DENND4A: variants seen among roughly 807,000 people sequenced by gnomAD.
The protein encoded by DENND4A is DENN domain containing 4A.
Under a neutral mutation model 199.3 loss-of-function variants are expected in DENND4A, and 70 were observed. The observed-to-expected ratio is 0.35, with a 90% CI of 0.29 to 0.43. The LOEUF (loss-of-function observed/expected upper bound fraction) is 0.43, where lower values mean the gene tolerates loss of function less well. Ranked by LOEUF, DENND4A falls within the 20% of genes least tolerant of loss-of-function variation. The probability of loss-of-function intolerance (pLI) is 1.00; values close to 1 mark genes in which losing one functional copy is unlikely to be tolerated. For missense variants in DENND4A, 1,723 were observed against 2,255.8 expected, an observed-to-expected ratio of 0.76 and a Z score of 4.78; for synonymous variants, 686 against 766.9, an observed-to-expected ratio of 0.89 and a Z score of 1.74.
chr15:65,683,105 T>C (rs1267232238), intron 23 of DENND4A, among the ~76,000 whole-genome samples: 3 of 152,176 alleles, frequency 2.0e-5, no homozygotes, highest in African/African-American at 7.2e-5. Flanking sequence ...ATGATACCAA[T>C]TGACTTGCTC....
intron 14 of DENND4A, among the ~76,000 whole-genome samples, chr15:65,714,287 C>G (rs1407761839): frequency 6.6e-6 from 1 of 151,898 alleles, no homozygotes; most frequent in Non-Finnish European, 1.5e-5. Context: ...GTGGCGGGTG[C>G]CTGTAGTCCC....
intron 1 of DENND4A, among the ~76,000 whole-genome samples, chr15:65,780,438 G>A (rs2140960391): frequency 6.6e-6 from 1 of 152,286 alleles, no homozygotes; most frequent in South Asian, 2.1e-4. Context: ...AACTAATTAA[G>A]TGGTACAATT....
chr15:65,666,189 A>C (rs1045273070), intron 29 of DENND4A, among the ~76,000 whole-genome samples: 1 of 152,232 alleles, frequency 6.6e-6, no homozygotes, highest in Non-Finnish European at 1.5e-5. Context: ...CTATACATAC[A>C]TACTTGTGAT....
intron 11 of DENND4A, chr15:65,727,749 G>C (rs1337613706): frequency 7.4e-6 from 2 of 271,766 alleles, no homozygotes; most frequent in Non-Finnish European, 1.4e-5. Flanking sequence ...AATGTGGACA[G>C]TGCATCAATT....
At chr15:65,691,551 A>C (rs1351834436) in intron 22 of DENND4A, 40 bp from the exon 23 acceptor site, 19 of 1,480,604 alleles carry the variant, frequency 1.3e-5, no homozygotes, top group Non-Finnish European at 1.7e-5. Flanking sequence ...TGAAAATATA[A>C]TAGCAAATAT....
rs1438472374 is a variant in DENND4A, at chr15:65,667,683, C to G, written c.5007G>C (p.Trp1669Cys). Residue 1669 changes from tryptophan (W) to cysteine (C), a missense_variant, in exon 29 of 33, where the codon TGG becomes TGC. Trp to Cys is a radical substitution (Grantham distance 215). Around this residue, in one of 6 missense-constraint regions of DENND4A, gnomAD observed 141 missense variants for 170.7 expected, o/e 0.83. Transcript: ENST00000443035. ...QGATDSLGLE[W>C]HLPSPDPVTV... ...TGACAGGATCGGGACTTGGAAGGTG[C>G]CATTCTAAACCTAAAGAATCCTGTT... The G allele has an allele frequency of 6.2e-7, 1 of 1,612,610 alleles. No individual in the cohort carries two copies. The highest frequency in any genetic ancestry group is 1.7e-5 in the Admixed American group (1 of 59,808).
intron 22 of DENND4A, 81 bp downstream of exon 22, chr15:65,696,285 G>C: frequency 6.7e-7 from 1 of 1,494,496 alleles, no homozygotes; most frequent in Non-Finnish European, 9.0e-7. Flanking sequence ...GGAGAATTAA[G>C]ACTATTAAAA....
chr15:65,687,808 G>A lies in DENND4A; in HGVS notation c.4179+2607C>T, dbSNP rs982413976. ...GTATTTTAATTTTTTTTTAGCAGCCGTTTTCTTGTTAGCAGGTGAATATCT... is the reference window on the plus strand; with the variant it reads ...GTATTTTAATTTTTTTTTAGCAGCCATTTTCTTGTTAGCAGGTGAATATCT... On this transcript the variant is annotated intron_variant, in intron 23 of 32. Transcript: ENST00000443035. Among the ~76,000 whole-genome samples, 6 of 152,010 alleles carry A rather than the reference G, an allele frequency of 3.9e-5. No individual in the cohort carries two copies. In the East Asian group the frequency reaches 5.8e-4, roughly 15 times the overall value.
chr15:65,772,011 C>T, intron 1 of DENND4A: 1 of 1,441,600 alleles, frequency 6.9e-7, no homozygotes, highest in East Asian at 2.4e-5. Context: ...TGTTTATGCG[C>T]AGGCCAAGGG....
intron 23 of DENND4A, among the ~76,000 whole-genome samples, chr15:65,684,453 A>G (rs1223638267): frequency 6.6e-6 from 1 of 152,224 alleles, no homozygotes; most frequent in Non-Finnish European, 1.5e-5. Context: ...AAATGCAATT[A>G]ATGCCTAATA....
chr15:65,734,265 T>C (rs1434818748), intron 7 of DENND4A, among the ~76,000 whole-genome samples: 1 of 152,208 alleles, frequency 6.6e-6, no homozygotes, highest in East Asian at 1.9e-4. Context: ...CGGGCAGCAA[T>C]ACTGCTTTGT....
chr15:65,787,987 G>C (rs2077610857), intron 1 of DENND4A, among the ~76,000 whole-genome samples: 1 of 152,058 alleles, frequency 6.6e-6, no homozygotes, highest in South Asian at 2.1e-4. Context: ...TTTGGTGGAG[G>C]AAAGAAAAAG....
chr15:65,762,132 C>T (rs968190088), intron 1 of DENND4A, among the ~76,000 whole-genome samples: 1 of 152,036 alleles, frequency 6.6e-6, no homozygotes, highest in Non-Finnish European at 1.5e-5. Flanking sequence ...CTCAGCCTCC[C>T]GAGTAGCCGG....
chr15:65,736,681 C>G (rs976029971), intron 7 of DENND4A, among the ~76,000 whole-genome samples: 2 of 152,116 alleles, frequency 1.3e-5, no homozygotes, highest in Non-Finnish European at 2.9e-5. Context: ...AAAAGAATAT[C>G]CCAAACTTTC....
rs539003071 is a variant in DENND4A, at chr15:65,766,036, G to T, written c.-101-4598C>A. 1.2e-4 allele frequency among the ~76,000 whole-genome samples: 18 copies of T among 152,302 alleles called. No individual in the cohort carries two copies. In the South Asian group the frequency reaches 2.9e-3, roughly 25 times the overall value. ...GAGGCCAAGGCAGGTGGATCACGAGGTCAGGAGCTCAAGACCAGCCTGGCC... is the reference window on the plus strand; with the variant it reads ...GAGGCCAAGGCAGGTGGATCACGAGTTCAGGAGCTCAAGACCAGCCTGGCC... On this transcript the variant is annotated intron_variant, in intron 1 of 32. Coordinates refer to ENST00000443035, the MANE Select transcript of DENND4A (RefSeq NM_001320835.1).
intron 14 of DENND4A, among the ~76,000 whole-genome samples, chr15:65,714,220 G>A (rs1404181376): frequency 6.6e-6 from 1 of 151,886 alleles, no homozygotes; most frequent in East Asian, 1.9e-4. Context: ...GACCATCCTG[G>A]CTAACACAGT....
chr15:65,702,730 T>C (rs1437236317), intron 16 of DENND4A, 143 bp downstream of exon 16: 1 of 920,202 alleles, frequency 1.1e-6, no homozygotes, highest in Non-Finnish European at 1.6e-6. Context: ...TGAAGTCAGA[T>C]TGCTCCATCT....
At chr15:65,728,209 G>A (rs1020781591) in intron 11 of DENND4A, among the ~76,000 whole-genome samples, 1 of 151,984 alleles carries the variant, frequency 6.6e-6, no homozygotes, top group African/African-American at 2.4e-5. Context: ...TACCATGTTG[G>A]CCAGGCTGGT....
In DENND4A at chr15:65,729,247, T is replaced by A; in HGVS notation, c.1312A>T (p.Met438Leu). The A allele has an allele frequency of 6.4e-7, 1 of 1,568,300 alleles. No individual in the cohort carries two copies. Among genetic ancestry groups the A allele is most frequent in the Admixed American group, 1.9e-5 (1 of 52,770 alleles). Residue 438 changes from methionine to leucine, a missense_variant and splice_region_variant, in exon 11 of 33, where the codon ATG becomes TTG. Met to Leu is a conservative substitution (Grantham distance 15). Transcript: ENST00000443035. ...LTSVTEALVS[M>L]IFPFHWPCPY... is the part of the protein sequence containing the mutation. Reference sequence around the variant, plus strand: ...CATGGCCAGTGGAAAGGGAAAATCATCTTGGATAAACAAAAGATAGGAGAG... The same window carrying A: ...CATGGCCAGTGGAAAGGGAAAATCAACTTGGATAAACAAAAGATAGGAGAG...
Sources: gnomAD v4.1 joint callset for allele counts (sites outside exome capture counted in the v4.1 genomes callset) on GRCh38, gnomAD v4.1.1 for gene constraint, gnomAD v4.1.1 regional missense constraint, MANE v1.5 for transcripts, NCBI Gene and HGNC (gene_info 2026-07-23, HGNC 2026-07-21) for gene names.